REV3L: variants seen among roughly 807,000 people sequenced by gnomAD.
The protein encoded by REV3L is DNA polymerase zeta catalytic subunit.
In REV3L, 69 loss-of-function variants were observed where a neutral mutation model predicts 299.4. The observed-to-expected ratio is 0.23, with a 90% CI of 0.19 to 0.28. The LOEUF (loss-of-function observed/expected upper bound fraction) is 0.28, where lower values mean the gene tolerates loss of function less well. Ranked by LOEUF, REV3L falls within the 10% of genes least tolerant of loss-of-function variation. The pLI is 1.00. For synonymous variants in REV3L, 1,238 were observed against 1,271.4 expected (o/e 0.97, Z 0.56); for missense variants, 3,128 against 3,693.8 (o/e 0.85, Z 3.97).
chr6:111,303,688 T>TTTAAGATGG (rs1554268900), intron 31 of REV3L, among the ~76,000 whole-genome samples: 2 of 78,442 alleles, frequency 2.5e-5, no homozygotes, highest in Non-Finnish European at 3.0e-5. Context: ...TTTTTTTTTT[T>TTTAAGATGG]AACAGACTAT....
intron 1 of REV3L, among the ~76,000 whole-genome samples, chr6:111,421,813 C>T (rs1785393219): frequency 6.6e-6 from 1 of 152,104 alleles, no homozygotes; most frequent in South Asian, 2.1e-4. Context: ...AGAACATTTA[C>T]GTTTACAAAA....
At chr6:111,307,311 C>T in intron 31 of REV3L, 50 bp downstream of exon 31, 1 of 1,488,210 alleles carries the variant, frequency 6.7e-7, no homozygotes. Flanking sequence ...CTATATCTTC[C>T]TGTAAGATCA....
In REV3L at chr6:111,321,253, A is replaced by G. The variant is rs938595846; in HGVS notation, c.8351+1316T>C. Among the ~76,000 whole-genome samples, 8 of 152,318 alleles carry G rather than the reference A, an allele frequency of 5.3e-5. No homozygotes were observed. The South Asian group carries it at 6.2e-4, about 12-fold the overall frequency. On this transcript the variant is annotated intron_variant, in intron 26 of 31. Transcript: ENST00000368802. Reference sequence around the variant, plus strand: ...TATCAAAATCCCTTCCGGCTCTGACATTCTGTGAGTCTATTATTTTTTGTA... The same window carrying G: ...TATCAAAATCCCTTCCGGCTCTGACGTTCTGTGAGTCTATTATTTTTTGTA...
intron 18 of REV3L, among the ~76,000 whole-genome samples, chr6:111,352,033 G>T (rs1352223491): frequency 1.3e-5 from 2 of 151,514 alleles, no homozygotes; most frequent in African/African-American, 2.4e-5. Context: ...TTGAGATGGG[G>T]TCTCACTCTG....
rs56357112 is a variant in REV3L at position 111,377,853 on chromosome 6, A to G, written c.1455-10T>C. On this transcript the variant is annotated splice_polypyrimidine_tract_variant and intron_variant, in intron 11 of 31. Transcript: ENST00000368802. ...ATTTCTGCACAGTGATCTGGAGAAC[A>G]TTAAAATTCACTGGTGAGCATGATC... 1.2e-4 allele frequency: 186 copies of G among 1,601,896 alleles called. No individual in the cohort carries two copies. In the African/African-American group the frequency reaches 2.3e-3, roughly 20 times the overall value.
chr6:111,406,797 T>TAA (rs1472552833), intron 3 of REV3L, among the ~76,000 whole-genome samples: 1 of 152,124 alleles, frequency 6.6e-6, no homozygotes, highest in Non-Finnish European at 1.5e-5. Flanking sequence ...GGGGATCCAA[T>TAA]AATAATATTG....
chr6:111,478,905 T>C (rs1404845083), intron 1 of REV3L, among the ~76,000 whole-genome samples: 3 of 152,212 alleles, frequency 2.0e-5, no homozygotes, highest in South Asian at 2.1e-4. Context: ...CTACTTTGTT[T>C]AATTCCTTGC....
chr6:111,471,367 T>C (rs1373622407), intron 1 of REV3L, among the ~76,000 whole-genome samples: 3 of 152,206 alleles, frequency 2.0e-5, no homozygotes, highest in African/African-American at 7.2e-5. Flanking sequence ...GGCAATTACC[T>C]AGACTGTAGA....
At chr6:111,315,471 C>T (rs879193097) in intron 26 of REV3L, 90 bp from the exon 27 acceptor site, 2 of 911,524 alleles carry the variant, frequency 2.2e-6, no homozygotes, top group Admixed American at 4.9e-5. Context: ...TGACTCTTGT[C>T]TAATGCCAAA....
At chr6:111,301,001 A>G (rs1562470537) in intron 31 of REV3L, among the ~76,000 whole-genome samples, 1 of 152,210 alleles carries the variant, frequency 6.6e-6, no homozygotes, top group Non-Finnish European at 1.5e-5. Flanking sequence ...CAGAAAGCGA[A>G]TAGGAGAAAT....
chr6:111,471,125 C>T (rs1011110656), intron 1 of REV3L, among the ~76,000 whole-genome samples: 6 of 152,152 alleles, frequency 3.9e-5, no homozygotes, highest in African/African-American at 2.4e-5. Flanking sequence ...ATCCTAAGTA[C>T]GTTTAAAATA....
upstream of REV3L, chr6:111,483,711 C>G (rs1166869497): frequency 3.1e-6 from 1 of 325,874 alleles, no homozygotes; most frequent in Non-Finnish European, 6.4e-6. Flanking sequence ...GCGCAGATCT[C>G]GTGCCGCTGC....
chr6:111,427,213 G>C (rs1202984357), intron 1 of REV3L, among the ~76,000 whole-genome samples: 1 of 152,102 alleles, frequency 6.6e-6, no homozygotes, highest in Non-Finnish European at 1.5e-5. Flanking sequence ...TTATATGCAA[G>C]TCTAGTAAAT....
chr6:111,315,117 C>A, intron 27 of REV3L, 150 bp downstream of exon 27: 1 of 625,360 alleles, frequency 1.6e-6, no homozygotes, highest in East Asian at 2.8e-5. Context: ...CCCGAAGTGC[C>A]AGGATTACAG....
intron 1 of REV3L, among the ~76,000 whole-genome samples, chr6:111,470,695 GC>G (rs1310320766): frequency 1.3e-5 from 2 of 152,166 alleles, no homozygotes; most frequent in Non-Finnish European, 2.9e-5. Flanking sequence ...TAAAAGACAT[GC>G]CGGGGTGTGG....
At chr6:111,442,063 G>A (rs1583008643) in intron 1 of REV3L, among the ~76,000 whole-genome samples, 2 of 152,184 alleles carry the variant, frequency 1.3e-5, no homozygotes, top group South Asian at 2.1e-4. Context: ...AGTTGGTTAC[G>A]GCGCTGGTGG....
intron 26 of REV3L, among the ~76,000 whole-genome samples, chr6:111,316,403 C>A (rs1012040497): frequency 6.6e-6 from 1 of 152,064 alleles, no homozygotes. Context: ...GTGGCTCACA[C>A]CTGTAATCCC....
intron 30 of REV3L, among the ~76,000 whole-genome samples, chr6:111,308,873 C>T (rs938920179): frequency 1.3e-5 from 2 of 152,218 alleles, no homozygotes; most frequent in African/African-American, 4.8e-5. Context: ...TTTTAGGAAA[C>T]CAGGAGAGCA....
intron 18 of REV3L, among the ~76,000 whole-genome samples, chr6:111,352,913 C>T (rs976292466): frequency 8.5e-5 from 13 of 152,084 alleles, no homozygotes; most frequent in African/African-American, 2.2e-4. Context: ...AAATTTATTT[C>T]GAGTGGAAAA....
Sources: gnomAD v4.1 joint callset for allele counts (sites outside exome capture counted in the v4.1 genomes callset) on GRCh38, gnomAD v4.1.1 for gene constraint, MANE v1.5 for transcripts, NCBI Gene and HGNC (gene_info 2026-07-23, HGNC 2026-07-21) for gene names.